Variants in EIF4EBP3 observed in about 807,000 individuals in gnomAD.
The protein encoded by EIF4EBP3 is eukaryotic translation initiation factor 4E-binding protein 3.
A neutral mutation model predicts 12.1 loss-of-function variants in EIF4EBP3; 11 were observed. The observed-to-expected ratio is 0.91, with a 90% CI of 0.57 to 1.51. The LOEUF is 1.51. Among genes scored for constraint, EIF4EBP3 ranks in the 40% most tolerant of loss-of-function variants. EIF4EBP3 has a pLI of 0.00. For synonymous variants in EIF4EBP3, 43 were observed against 54.2 expected (o/e 0.79, Z 0.91); for missense variants, 136 against 131.8 (o/e 1.03, Z -0.16).
At position 140,549,364 on chromosome 5, in the gene EIF4EBP3, T is replaced by G; in HGVS notation, c.*102T>G. 6.3e-7 allele frequency: 1 copy of G among 1,587,694 alleles called. No individual in the cohort carries two copies. The highest frequency in any genetic ancestry group is 8.6e-7 in the Non-Finnish European group (1 of 1,157,168). ...CATCCAAAGGCCAGCTGGCCTCATC[T>G]AATCTGGAAGGGAGTGACTTGTTAG... On this transcript the variant is annotated 3_prime_UTR_variant, in exon 3 of 3. Coordinates refer to ENST00000310331, the MANE Select transcript of EIF4EBP3 (RefSeq NM_003732.3).
intron 1 of EIF4EBP3, 49 bp downstream of exon 1, chr5:140,547,889 G>A (rs924864764): frequency 7.3e-7 from 1 of 1,372,450 alleles, no homozygotes; most frequent in African/African-American, 1.5e-5. Flanking sequence ...ATTAGCGCGT[G>A]CGTGTTGTTG....
At position 140,549,442 on chromosome 5, in the gene EIF4EBP3, A is replaced by G. The variant is rs1264749260; in HGVS notation, c.*180A>G. ...GCTAGACCAGGGATAGGAGTGGGCA[A>G]CTTGCCAAGCCCTTAACTCTACTTC... On this transcript the variant is annotated 3_prime_UTR_variant, in exon 3 of 3. Coordinates refer to ENST00000310331, the MANE Select transcript of EIF4EBP3 (RefSeq NM_003732.3). The G allele has an allele frequency of 4.1e-6, 4 of 969,356 alleles. No individual in the cohort carries two copies. Among genetic ancestry groups the G allele is most frequent in the Admixed American group, 2.1e-5 (1 of 47,082 alleles). The allele number at this position is 969,356 out of a possible 1,614,324, so 60.0% of individuals were successfully genotyped here.
chr5:140,549,522 G>A lies in EIF4EBP3; in HGVS notation c.*260G>A, dbSNP rs1215296302. ...CTAAACCCTCTATGCTCAGGGGCTG[G>A]AACTGGGGAATGGAGTAAGTCACCT... On this transcript the variant is annotated 3_prime_UTR_variant, in exon 3 of 3. Coordinates refer to ENST00000310331, the MANE Select transcript of EIF4EBP3 (RefSeq NM_003732.3). 1.8e-6 allele frequency: 1 copy of A among 566,164 alleles called. No homozygotes were observed. Among genetic ancestry groups the A allele is most frequent in the East Asian group, 3.0e-5 (1 of 32,950 alleles). 35.1% of individuals were successfully genotyped at this position (566,164 alleles called of 1,614,324 possible).
intron 1 of EIF4EBP3, 55 bp from the exon 2 acceptor site, chr5:140,548,849 CCA>C (rs1291018124): frequency 1.3e-6 from 2 of 1,557,618 alleles, no homozygotes; most frequent in Non-Finnish European, 1.7e-6. Context: ...GTCTGGGACC[CCA>C]GTCACCTCGG....
At chr5:140,548,854 C>A in intron 1 of EIF4EBP3, 52 bp from the exon 2 acceptor site, 2 of 1,560,994 alleles carry the variant, frequency 1.3e-6, no homozygotes, top group South Asian at 2.4e-5. Flanking sequence ...GGACCCCAGT[C>A]ACCTCGGTAC....
At position 140,549,135 on chromosome 5, in the gene EIF4EBP3, A is replaced by G; in HGVS notation, c.274+59A>G. On this transcript the variant is annotated intron_variant, in intron 2 of 2. Transcript: ENST00000310331. ...CTTTGAGTTCAAATGCCACTGTGAC[A>G]CAGTGCGGGGGTTCAGTTCCAAGAG... 7 of 1,614,102 alleles carry G rather than the reference A, an allele frequency of 4.3e-6. No homozygotes were observed. In the African/African-American group the frequency reaches 5.3e-5, roughly 12 times the overall value.
chr5:140,549,192 C>A (rs773765482), intron 2 of EIF4EBP3, 42 bp from the exon 3 acceptor site: 3 of 1,614,174 alleles, frequency 1.9e-6, no homozygotes, highest in East Asian at 2.2e-5. Context: ...GCCTGCAGAT[C>A]CTCAGACCAG....
intron 1 of EIF4EBP3, among the ~76,000 whole-genome samples, chr5:140,548,532 T>G (rs577643414): frequency 2.0e-4 from 30 of 152,162 alleles, no homozygotes; most frequent in Non-Finnish European, 3.8e-4. Flanking sequence ...TTAGTCTAGG[T>G]CTCACCTTCA....
rs1307089950 is a variant in EIF4EBP3, at chr5:140,549,427, G to T, written c.*165G>T. On this transcript the variant is annotated 3_prime_UTR_variant, in exon 3 of 3. Transcript: ENST00000310331. The stretch of plus-strand genomic sequence containing the variant: ...TTTAGTTCTGAGGCAGCTAGACCAG[G>T]GATAGGAGTGGGCAACTTGCCAAGC... The T allele has an allele frequency of 1.7e-6, 2 of 1,186,868 alleles. No individual in the cohort carries two copies. The highest frequency in any genetic ancestry group is 2.4e-6 in the Non-Finnish European group (2 of 826,836). The allele number at this position is 1,186,868 out of a possible 1,614,324, so 73.5% of individuals were successfully genotyped here.
intron 1 of EIF4EBP3, 99 bp downstream of exon 1, chr5:140,547,939 C>G (rs2127111813): frequency 1.0e-6 from 1 of 969,418 alleles, no homozygotes; most frequent in South Asian, 2.1e-5. Context: ...AAGACTTGTC[C>G]GCAGGCCCCT....
At position 140,547,769 on chromosome 5, in the gene EIF4EBP3, G is replaced by T; in HGVS notation, c.32G>T (p.Gly11Val). The T allele has an allele frequency of 1.3e-6, 2 of 1,543,184 alleles. No homozygotes were observed. Among genetic ancestry groups the T allele is most frequent in the Middle Eastern group, 1.7e-4 (1 of 5,964 alleles). Residue 11 changes from glycine (G) to valine (V), a missense_variant, in exon 1 of 3, where the codon GGG (glycine) becomes GTG (valine). Gly to Val is a moderately radical substitution (Grantham distance 109). Transcript: ENST00000310331. MSTSTSCPIP[G>V]GRDQLPDCYS... ...ACGTCCACTAGCTGCCCGATTCCCG[G>T]GGGCCGGGACCAGCTGCCCGACTGC...
In EIF4EBP3 at chr5:140,549,053, A is replaced by T. The variant is rs752441126; in HGVS notation, c.251A>T (p.Gln84Leu). 6.1e-4 allele frequency: 989 copies of T among 1,614,186 alleles called. No homozygotes were observed. Among genetic ancestry groups the T allele is most frequent in the Non-Finnish European group, 7.8e-4 (926 of 1,180,020 alleles). ...TCCAAGCTGGAGGAGCTGAAGGAGCAGGAGACAGAGGAAGAGATACCCGGT... is the reference window on the plus strand; with the variant it reads ...TCCAAGCTGGAGGAGCTGAAGGAGCTGGAGACAGAGGAAGAGATACCCGGT... Reference protein sequence around the residue: ...PLSKLEELKEQETEEEIPDDA... With the variant: ...PLSKLEELKELETEEEIPDDA... Residue 84 changes from glutamine to leucine, a missense_variant, in exon 2 of 3, where the codon CAG (glutamine) becomes CTG (leucine). Physicochemically the swap from Gln to Leu is moderately radical, Grantham distance 113 (BLOSUM62 -2). Coordinates refer to ENST00000310331, the MANE Select transcript of EIF4EBP3 (RefSeq NM_003732.3).
chr5:140,548,772 A>G lies in EIF4EBP3; in HGVS notation c.104-134A>G, dbSNP rs1754449189. 8 of 1,273,256 alleles carry G rather than the reference A, an allele frequency of 6.3e-6. No individual in the cohort carries two copies. The South Asian group carries it at 1.1e-4, about 18-fold the overall frequency. 78.9% of individuals were successfully genotyped at this position (1,273,256 alleles called of 1,614,324 possible). On this transcript the variant is annotated intron_variant, in intron 1 of 2. Coordinates refer to ENST00000310331, the MANE Select transcript of EIF4EBP3 (RefSeq NM_003732.3). ...TGCTGAGAACCTAGCTGGGCTTCAG[A>G]GCCGATGTCCTTTGATACACAGGGA...
chr5:140,548,203 G>T (rs962598429), intron 1 of EIF4EBP3, among the ~76,000 whole-genome samples: 3 of 152,224 alleles, frequency 2.0e-5, no homozygotes, highest in Non-Finnish European at 4.4e-5. Context: ...GGAGTAGTTA[G>T]AACAGTTGGG....
At position 140,547,736 on chromosome 5, in the gene EIF4EBP3, C is replaced by A; in HGVS notation, c.-2C>A. 6.5e-7 allele frequency: 1 copy of A among 1,546,638 alleles called. No homozygotes were observed. Among genetic ancestry groups the A allele is most frequent in the Non-Finnish European group, 8.7e-7 (1 of 1,144,622 alleles). On this transcript the variant is annotated 5_prime_UTR_variant, in exon 1 of 3. Coordinates refer to ENST00000310331, the MANE Select transcript of EIF4EBP3 (RefSeq NM_003732.3). Reference sequence around the variant, plus strand: ...GTTACTTTGCTGCTCCTCCCGCTCGCTATGTCAACGTCCACTAGCTGCCCG... The same window carrying A: ...GTTACTTTGCTGCTCCTCCCGCTCGATATGTCAACGTCCACTAGCTGCCCG...
At chr5:140,548,213 G>T (rs1274993532) in intron 1 of EIF4EBP3, among the ~76,000 whole-genome samples, 1 of 152,236 alleles carries the variant, frequency 6.6e-6, no homozygotes, top group Non-Finnish European at 1.5e-5. Flanking sequence ...GAACAGTTGG[G>T]GCAGTTGCTC....
At position 140,549,380 on chromosome 5, in the gene EIF4EBP3, G is replaced by T; in HGVS notation, c.*118G>T. On this transcript the variant is annotated 3_prime_UTR_variant, in exon 3 of 3. Coordinates refer to ENST00000310331, the MANE Select transcript of EIF4EBP3 (RefSeq NM_003732.3). ...GGCCTCATCTAATCTGGAAGGGAGT[G>T]ACTTGTTAGTTCCAGGCCTCCTTTA... 1 of 1,559,646 alleles carries T rather than the reference G, an allele frequency of 6.4e-7. No individual in the cohort carries two copies. Among genetic ancestry groups the T allele is most frequent in the South Asian group, 1.1e-5 (1 of 89,580 alleles).
intron 1 of EIF4EBP3, 152 bp from the exon 2 acceptor site, chr5:140,548,754 A>T: frequency 8.9e-7 from 1 of 1,125,866 alleles, no homozygotes; most frequent in Non-Finnish European, 1.2e-6. Context: ...GTCTGCTGAG[A>T]ACCTAGCTGG....
In EIF4EBP3 at chr5:140,549,451, G is replaced by A. The variant is rs1291985901; in HGVS notation, c.*189G>A. 2.5e-5 allele frequency: 21 copies of A among 850,154 alleles called. No homozygotes were observed. The highest frequency in any genetic ancestry group is 2.3e-4 in the Admixed American group (10 of 44,330). 52.7% of individuals were successfully genotyped at this position (850,154 alleles called of 1,614,324 possible). On this transcript the variant is annotated 3_prime_UTR_variant, in exon 3 of 3. Transcript: ENST00000310331. ...GGGATAGGAGTGGGCAACTTGCCAA[G>A]CCCTTAACTCTACTTCCTCTTCAGT... is the stretch of plus-strand genomic sequence containing the variant.
Sources: gnomAD v4.1 joint callset for allele counts (sites outside exome capture counted in the v4.1 genomes callset) on GRCh38, gnomAD v4.1.1 for gene constraint, MANE v1.5 for transcripts, NCBI Gene and HGNC (gene_info 2026-07-23, HGNC 2026-07-21) for gene names.